PTGFRN: variants seen among roughly 807,000 people sequenced by gnomAD.
PTGFRN encodes the protein prostaglandin F2 receptor negative regulator.
PTGFRN carries 35 observed loss-of-function variants against 83.2 expected under a neutral mutation model. The observed-to-expected ratio is 0.42, with a 90% CI of 0.32 to 0.56. The LOEUF (loss-of-function observed/expected upper bound fraction) is 0.56, where lower values mean the gene tolerates loss of function less well. Ranked by LOEUF, PTGFRN falls within the 20% of genes least tolerant of loss-of-function variation. The pLI is 0.11. For missense variants in PTGFRN, 1,051 were observed against 1,179.5 expected (o/e 0.89, Z 1.60); for synonymous variants, 519 against 498.6 (o/e 1.04, Z -0.55).
rs1428408380 is a variant in PTGFRN, at chr1:116,961,547, A to G, written c.1518A>G (p.Thr506=). ...DTFNFRIQRT[T]EEDRGNYYCV... ...TCAATTTCCGGATCCAAAGGACTACAGAGGAAGACAGAGGCAATTATTACT... is the reference window on the plus strand; with the variant it reads ...TCAATTTCCGGATCCAAAGGACTACGGAGGAAGACAGAGGCAATTATTACT... The change falls in exon 5 of 9, where the codon ACA becomes ACG. Residue 506 remains threonine (T), a synonymous_variant. Transcript: ENST00000393203. This position sits in a 1 kb window ranked among gnomAD's most constrained non-coding sequence, Gnocchi z 5.4. 4 of 1,614,216 alleles carry G rather than the reference A, an allele frequency of 2.5e-6. No individual in the cohort carries two copies. The highest frequency in any genetic ancestry group is 3.4e-6 in the Non-Finnish European group (4 of 1,180,038).
intron 4 of PTGFRN, among the ~76,000 whole-genome samples, chr1:116,951,636 C>T (rs1364291649): frequency 6.6e-6 from 1 of 152,098 alleles, no homozygotes; most frequent in Admixed American, 6.5e-5. Flanking sequence ...AACGAAAGAG[C>T]GAGTAGTATG....
chr1:116,915,532 C>T (rs1365357599), intron 1 of PTGFRN, among the ~76,000 whole-genome samples: 1 of 152,174 alleles, frequency 6.6e-6, no homozygotes, highest in Admixed American at 6.5e-5. Flanking sequence ...TAATGCCTGC[C>T]CTGGCTATAA....
intron 1 of PTGFRN, among the ~76,000 whole-genome samples, chr1:116,917,861 G>A (rs1649442738): frequency 6.6e-6 from 1 of 152,096 alleles, no homozygotes; most frequent in African/African-American, 2.4e-5. Context: ...GGCCTCAAGT[G>A]ATCCTCCTGC....
intron 6 of PTGFRN, among the ~76,000 whole-genome samples, chr1:116,967,695 A>G (rs879440542): frequency 5.3e-5 from 8 of 152,152 alleles, no homozygotes; most frequent in Admixed American, 2.0e-4. Context: ...TGGCCTTTCT[A>G]TCTGGCTTCT....
chr1:116,979,706 A>T (rs1651256039), intron 7 of PTGFRN, among the ~76,000 whole-genome samples: 1 of 152,218 alleles, frequency 6.6e-6, no homozygotes, highest in Non-Finnish European at 1.5e-5. Context: ...CTTACACCTT[A>T]TACAAAAATT....
At chr1:116,948,272 T>A (rs1241866792) in intron 3 of PTGFRN, among the ~76,000 whole-genome samples, 1 of 152,348 alleles carries the variant, frequency 6.6e-6, no homozygotes, top group Non-Finnish European at 1.5e-5. Context: ...ATAAAATGTT[T>A]CCATGTGAAA....
At chr1:116,966,862 T>C (rs1473634747) in intron 5 of PTGFRN, 49 bp from the exon 6 acceptor site, 2 of 1,520,908 alleles carry the variant, frequency 1.3e-6, no homozygotes, top group Non-Finnish European at 8.8e-7. Flanking sequence ...TGCATTTTTA[T>C]TTTAACTGAT....
At chr1:116,950,427 C>T (rs1650313143) in intron 4 of PTGFRN, among the ~76,000 whole-genome samples, 2 of 147,412 alleles carry the variant, frequency 1.4e-5, no homozygotes, top group African/African-American at 4.9e-5. Context: ...ATCACATTCC[C>T]CCCTGTTTTG....
chr1:116,966,984 C>T lies in PTGFRN; in HGVS notation c.1713C>T (p.Cys571=). The change falls in exon 6 of 9, where the codon TGC becomes TGT. Residue 571 remains cysteine (C), a synonymous_variant. Coordinates refer to ENST00000393203, the MANE Select transcript of PTGFRN (RefSeq NM_020440.4). The stretch of plus-strand genomic sequence containing the variant: ...CCGGAAATACATTTGAGATGACTTG[C>T]AAAGTATCTTCCAAGAATATTAAGT... ...FAAGNTFEMT[C]KVSSKNIKSP... 1 of 1,613,910 alleles carries T rather than the reference C, an allele frequency of 6.2e-7. No homozygotes were observed. The highest frequency in any genetic ancestry group is 8.5e-7 in the Non-Finnish European group (1 of 1,179,900).
chr1:116,951,850 TAG>T (rs1650359376), intron 4 of PTGFRN, among the ~76,000 whole-genome samples: 1 of 152,182 alleles, frequency 6.6e-6, no homozygotes, highest in Non-Finnish European at 1.5e-5. Flanking sequence ...TGGTTGTCTC[TAG>T]ATATGTAATG....
rs1376273741 is a variant in PTGFRN at position 116,987,060 on chromosome 1, A to G, written c.*93A>G. The G allele has an allele frequency of 7.5e-6, 11 of 1,460,064 alleles. No individual in the cohort carries two copies. The highest frequency in any genetic ancestry group is 1.8e-5 in the Admixed American group (1 of 55,334). 90.4% of individuals were successfully genotyped at this position (1,460,064 alleles called of 1,614,324 possible). On this transcript the variant is annotated 3_prime_UTR_variant, in exon 9 of 9. Coordinates refer to ENST00000393203, the MANE Select transcript of PTGFRN (RefSeq NM_020440.4). ...ATTTTAAAACAAAGTGTGTTACACT[A>G]AAAACCAGTCCTCTCTAATCTCAGG...
intron 7 of PTGFRN, 124 bp from the exon 8 acceptor site, chr1:116,984,556 T>C: frequency 9.3e-6 from 8 of 864,738 alleles, no homozygotes; most frequent in Non-Finnish European, 1.2e-5. Flanking sequence ...GAGGATCCAG[T>C]GAGACCGAAG....
intron 7 of PTGFRN, among the ~76,000 whole-genome samples, chr1:116,979,638 T>C (rs1483199499): frequency 3.3e-5 from 5 of 152,198 alleles, no homozygotes; most frequent in African/African-American, 1.2e-4. Flanking sequence ...CCCTATTTAA[T>C]AAATGGTGCT....
intron 1 of PTGFRN, among the ~76,000 whole-genome samples, chr1:116,938,172 C>A (rs969241830): frequency 3.3e-5 from 5 of 152,172 alleles, no homozygotes; most frequent in African/African-American, 1.2e-4. Flanking sequence ...ATTATTTCAA[C>A]GTTCTTTGAG....
At chr1:116,929,807 G>T (rs1210245816) in intron 1 of PTGFRN, among the ~76,000 whole-genome samples, 1 of 152,158 alleles carries the variant, frequency 6.6e-6, no homozygotes, top group Non-Finnish European at 1.5e-5. Context: ...AAGGTGCTTT[G>T]GGGGACTGAC....
At chr1:116,986,373 T>C (rs960374537) in intron 8 of PTGFRN, among the ~76,000 whole-genome samples, 1 of 152,222 alleles carries the variant, frequency 6.6e-6, no homozygotes, top group African/African-American at 2.4e-5. Flanking sequence ...CTAGATAATT[T>C]AGTATAGTGT....
Position 116,952,689 on chromosome 1 carries a change from T to G in PTGFRN, c.1213+3117T>G, listed in dbSNP as rs747965452. On this transcript the variant is annotated intron_variant, in intron 4 of 8. Transcript: ENST00000393203. This position sits in a 1 kb window ranked among gnomAD's most constrained non-coding sequence, Gnocchi z 4.0. ...TCCTCTGAGGAAGGAAAACATTAAC[T>G]CTTTCAGCAAGACAAACTTTCTCTT... Among the ~76,000 whole-genome samples the G allele has an allele frequency of 1.1e-4, 16 of 152,244 alleles. No individual in the cohort carries two copies. Among genetic ancestry groups the G allele is most frequent in the Non-Finnish European group, 2.2e-4 (15 of 68,034 alleles).
At chr1:116,916,363 G>A (rs890361159) in intron 1 of PTGFRN, among the ~76,000 whole-genome samples, 2 of 152,114 alleles carry the variant, frequency 1.3e-5, no homozygotes, top group Non-Finnish European at 2.9e-5. Flanking sequence ...TTTCAGAGTG[G>A]GTGCTACCTT....
intron 5 of PTGFRN, among the ~76,000 whole-genome samples, chr1:116,964,965 A>G (rs1368595096): frequency 2.0e-5 from 3 of 152,218 alleles, no homozygotes; most frequent in Non-Finnish European, 4.4e-5. Context: ...CCTGTTAAAT[A>G]TAAGTCAGGT....
Sources: allele counts gnomAD v4.1 joint callset (sites outside exome capture counted in the v4.1 genomes callset), GRCh38; gene constraint gnomAD v4.1.1; non-coding constraint Gnocchi (gnomAD v3.1); transcripts MANE v1.5; gene names NCBI Gene and HGNC (gene_info 2026-07-23, HGNC 2026-07-21).